MSRA: variants seen among roughly 807,000 people sequenced by gnomAD.
The protein encoded by MSRA is mitochondrial peptide methionine sulfoxide reductase.
In MSRA, 54 loss-of-function variants were observed where a neutral mutation model predicts 31.3. The observed-to-expected ratio is 1.73, with a 90% CI of 1.39 to 2.17. MSRA has a LOEUF of 2.17. Among genes scored for constraint, MSRA ranks in the 30% most tolerant of loss-of-function variants. The probability of loss-of-function intolerance (pLI) is 0.00; values close to 1 mark genes in which losing one functional copy is unlikely to be tolerated. For missense variants in MSRA, 507 were observed against 300.9 expected, an observed-to-expected ratio of 1.69 and a Z score of -5.07; for synonymous variants, 169 against 116.5, an observed-to-expected ratio of 1.45 and a Z score of -2.90.
At chr8:10,173,016 A>G (rs1805731710) in intron 1 of MSRA, among the ~76,000 whole-genome samples, 1 of 152,232 alleles carries the variant, frequency 6.6e-6, no homozygotes. Context: ...GGGAAGAAGA[A>G]TATTCTAGGT....
At chr8:10,231,103 G>T (rs1489281091) in intron 2 of MSRA, among the ~76,000 whole-genome samples, 1 of 152,122 alleles carries the variant, frequency 6.6e-6, no homozygotes, top group Admixed American at 6.5e-5. Flanking sequence ...TAGTTTTAAA[G>T]AAGGAAGATG....
chr8:10,341,372 G>C (rs1392096766), intron 5 of MSRA, among the ~76,000 whole-genome samples: 1 of 152,076 alleles, frequency 6.6e-6, no homozygotes. Flanking sequence ...GGTGCCACAC[G>C]TTTTGAAAGA....
intron 3 of MSRA, among the ~76,000 whole-genome samples, chr8:10,247,386 A>G (rs1283716092): frequency 6.6e-6 from 1 of 152,188 alleles, no homozygotes; most frequent in East Asian, 1.9e-4. Context: ...TATCCCAGCC[A>G]TTCTCCATTC....
At chr8:10,091,313 G>A (rs1363252509) in intron 1 of MSRA, among the ~76,000 whole-genome samples, 1 of 152,134 alleles carries the variant, frequency 6.6e-6, no homozygotes, top group Non-Finnish European at 1.5e-5. Flanking sequence ...TAACATATTT[G>A]CAAATATGTA....
chr8:10,234,327 A>G (rs2129074819), intron 2 of MSRA, among the ~76,000 whole-genome samples: 1 of 152,308 alleles, frequency 6.6e-6, no homozygotes, highest in South Asian at 2.1e-4. Flanking sequence ...CGGTAATGAG[A>G]TAGAGATTGT....
At chr8:10,222,218 T>C (rs919410595) in intron 2 of MSRA, among the ~76,000 whole-genome samples, 2 of 152,164 alleles carry the variant, frequency 1.3e-5, no homozygotes, top group African/African-American at 4.8e-5. Context: ...TAACTACTTT[T>C]AATAATAATA....
intron 5 of MSRA, among the ~76,000 whole-genome samples, chr8:10,382,959 C>T (rs565338408): frequency 1.4e-4 from 21 of 152,354 alleles, no homozygotes; most frequent in Admixed American, 3.9e-4. Context: ...CTTTCATCTT[C>T]TCCTGCAGTG....
At chr8:10,165,572 A>G (rs1285544732) in intron 1 of MSRA, among the ~76,000 whole-genome samples, 1 of 152,212 alleles carries the variant, frequency 6.6e-6, no homozygotes, top group Non-Finnish European at 1.5e-5. Context: ...ACCTGCCAGA[A>G]AATGAGTGGC....
intron 5 of MSRA, among the ~76,000 whole-genome samples, chr8:10,392,861 A>G (rs1166109034): frequency 7.5e-6 from 1 of 134,224 alleles, no homozygotes; most frequent in African/African-American, 2.9e-5. Flanking sequence ...TCTGGCTAAC[A>G]TGGTAAAACC....
chr8:10,290,491 A>C (rs780558361), intron 3 of MSRA, among the ~76,000 whole-genome samples: 2 of 152,248 alleles, frequency 1.3e-5, no homozygotes, highest in East Asian at 3.9e-4. Flanking sequence ...AGCCACATAC[A>C]TCAGATGCCC....
At chr8:10,210,469 C>G (rs1293126417) in intron 2 of MSRA, among the ~76,000 whole-genome samples, 1 of 152,202 alleles carries the variant, frequency 6.6e-6, no homozygotes, top group Non-Finnish European at 1.5e-5. Flanking sequence ...GATTTGTATA[C>G]TTGCATGCCT....
At chr8:10,402,368 G>T (rs1052504866) in intron 5 of MSRA, among the ~76,000 whole-genome samples, 3 of 152,228 alleles carry the variant, frequency 2.0e-5, no homozygotes, top group African/African-American at 7.2e-5. Flanking sequence ...GATGCTGAAC[G>T]CCAAATGTGG....
chr8:10,284,198 CT>C, intron 3 of MSRA, among the ~76,000 whole-genome samples: 1 of 151,890 alleles, frequency 6.6e-6, no homozygotes, highest in Non-Finnish European at 1.5e-5. Context: ...ATTATTATTA[CT>C]TTTTTTTGAG....
chr8:10,085,335 G>T lies in MSRA; in HGVS notation c.142+30677G>T, dbSNP rs148053634. On this transcript the variant is annotated intron_variant, in intron 1 of 5. Transcript: ENST00000317173. ...GAACATCATCTGTAAGGCCTCCCCA[G>T]TGCCTGGCTCCAGGCCTCTCTTCTT... 6.5e-3 allele frequency among the ~76,000 whole-genome samples: 991 copies of T among 152,260 alleles called. 11 individuals are homozygous for T. The highest frequency in any genetic ancestry group is 0.013 in the South Asian group (62 of 4,812).
At chr8:10,130,277 T>G (rs992743554) in intron 1 of MSRA, among the ~76,000 whole-genome samples, 2 of 152,352 alleles carry the variant, frequency 1.3e-5, no homozygotes, top group South Asian at 4.1e-4. Context: ...GACTGCTCAT[T>G]ATTCTATCAT....
At chr8:10,353,610 CT>C (rs1435402240) in intron 5 of MSRA, 1 of 456,094 alleles carries the variant, frequency 2.2e-6, no homozygotes, top group East Asian at 7.0e-5. Context: ...ATGCCTTTTC[CT>C]TTAGGTACCC....
At chr8:10,059,025 C>G (rs544107495) in intron 1 of MSRA, 1 of 152,190 alleles carries the variant, frequency 6.6e-6, no homozygotes, top group South Asian at 2.1e-4. Context: ...TCAGACAAAG[C>G]AATTCGAGAA....
chr8:10,221,443 TAC>T (rs201190019), intron 2 of MSRA, among the ~76,000 whole-genome samples: 3,703 of 97,608 alleles, frequency 0.038, 99 homozygotes, highest in East Asian at 0.2. Context: ...TGTGTATATA[TAC>T]ATATATATAT....
chr8:10,066,484 G>T (rs1490141205), intron 1 of MSRA, among the ~76,000 whole-genome samples: 1 of 152,124 alleles, frequency 6.6e-6, no homozygotes, highest in Non-Finnish European at 1.5e-5. Flanking sequence ...TCTGTATCTT[G>T]CTTTTCTTGC....
Sources: gnomAD v4.1 joint callset for allele counts (sites outside exome capture counted in the v4.1 genomes callset) on GRCh38, gnomAD v4.1.1 for gene constraint, MANE v1.5 for transcripts, NCBI Gene and HGNC (gene_info 2026-07-23, HGNC 2026-07-21) for gene names.